The following FAM184A variants were observed in gnomAD, a reference collection of about 807,000 sequenced individuals.
FAM184A encodes protein FAM184A.
FAM184A carries 99 observed loss-of-function variants against 143.8 expected under a neutral mutation model. That is an observed-to-expected ratio of 0.69 (90% CI 0.58 to 0.81). FAM184A has a LOEUF of 0.81. Ranked by LOEUF, FAM184A falls within the 40% of genes least tolerant of loss-of-function variation. The probability of loss-of-function intolerance (pLI) is 0.00; values close to 1 mark genes in which losing one functional copy is unlikely to be tolerated. For missense variants in FAM184A, 1,217 were observed against 1,310.5 expected, an observed-to-expected ratio of 0.93 and a Z score of 1.10; for synonymous variants, 427 against 446.4, an observed-to-expected ratio of 0.96 and a Z score of 0.55.
At chr6:119,082,227 A>G (rs1788093092), upstream of FAM184A, among the ~76,000 whole-genome samples, 1 of 152,146 alleles carries the variant, frequency 6.6e-6, no homozygotes, top group Admixed American at 6.6e-5. Flanking sequence ...ACCTCCCAGC[A>G]GGTCCCTCCC....
At chr6:118,982,323 T>G (rs1304143422) in intron 9 of FAM184A, among the ~76,000 whole-genome samples, 1 of 152,172 alleles carries the variant, frequency 6.6e-6, no homozygotes, top group Non-Finnish European at 1.5e-5. Context: ...ACCCCCTCTC[T>G]TTGGAAGTTC....
At chr6:119,071,853 C>T (rs1032045664) in intron 1 of FAM184A, among the ~76,000 whole-genome samples, 5 of 138,206 alleles carry the variant, frequency 3.6e-5, no homozygotes, top group Admixed American at 1.6e-4. Flanking sequence ...AAGTCTAAAC[C>T]TTTAATCTTT....
rs11345478 is a variant in FAM184A, at chr6:118,997,324, C to CA, written c.2088+5574dup. Among the ~76,000 whole-genome samples the CA allele has an allele frequency of 3.0e-3, 338 of 111,922 alleles. 3 individuals carry two copies. The highest frequency in any genetic ancestry group is 9.1e-3 in the African/African-American group (265 of 29,048). The allele number at this position is 111,922 out of a possible 152,430, so 73.4% of individuals were successfully genotyped here. On this transcript the variant is annotated intron_variant, in intron 9 of 17. Transcript: ENST00000338891. ...TGGGTGACTAAGTGAAACTCCATCT[C>CA]AAAAAAAAAAAAAAAAAATTAAAAG...
At chr6:119,113,161 G>A (rs1788975112) in intron 1 of FAM184A, among the ~76,000 whole-genome samples, 1 of 152,072 alleles carries the variant, frequency 6.6e-6, no homozygotes. Context: ...CATGGGGCAA[G>A]TTTCCTGATC....
intron 16 of FAM184A, chr6:118,962,201 A>T (rs1783351572): frequency 1.9e-6 from 1 of 521,276 alleles, no homozygotes; most frequent in Admixed American, 3.3e-5. Flanking sequence ...AGGAAGAAAC[A>T]TTTAGGAGTC....
At chr6:119,123,888 G>A (rs1219847234) in intron 1 of FAM184A, among the ~76,000 whole-genome samples, 3 of 152,150 alleles carry the variant, frequency 2.0e-5, no homozygotes, top group Non-Finnish European at 2.9e-5. Flanking sequence ...TAAATTTGAA[G>A]TTAGCCATTT....
intron 1 of FAM184A, chr6:119,069,080 C>G (rs1310042279): frequency 5.5e-6 from 2 of 364,034 alleles, no homozygotes; most frequent in Admixed American, 2.9e-5. Flanking sequence ...AACTGAGGTT[C>G]TTGCCATTGA....
chr6:119,052,223 T>C (rs1786795567), intron 1 of FAM184A, among the ~76,000 whole-genome samples: 1 of 152,210 alleles, frequency 6.6e-6, no homozygotes, highest in African/African-American at 2.4e-5. Context: ...ACATTCTATT[T>C]TTTTCTTCAT....
intron 11 of FAM184A, among the ~76,000 whole-genome samples, chr6:118,977,626 T>A (rs751860095): frequency 2.0e-5 from 3 of 152,168 alleles, no homozygotes; most frequent in Non-Finnish European, 4.4e-5. Flanking sequence ...TTTATAAAAT[T>A]AGAGCATTCT....
At chr6:119,075,250 C>T (rs1046719216) in intron 1 of FAM184A, among the ~76,000 whole-genome samples, 1 of 151,794 alleles carries the variant, frequency 6.6e-6, no homozygotes, top group African/African-American at 2.4e-5. Flanking sequence ...AGCAGAAAAC[C>T]CTCAAAATAA....
intron 1 of FAM184A, among the ~76,000 whole-genome samples, chr6:119,125,699 T>C (rs181139833): frequency 5.9e-5 from 9 of 152,346 alleles, no homozygotes; most frequent in Admixed American, 5.2e-4. Context: ...AGACTACTTT[T>C]ACATTCCCAG....
intron 14 of FAM184A, among the ~76,000 whole-genome samples, chr6:118,967,896 T>C (rs1783550193): frequency 6.6e-6 from 1 of 152,218 alleles, no homozygotes; most frequent in South Asian, 2.1e-4. Context: ...TTGTAGATGA[T>C]CTATCTTCCA....
At chr6:119,007,268 C>T (rs948659123) in intron 6 of FAM184A, among the ~76,000 whole-genome samples, 8 of 152,094 alleles carry the variant, frequency 5.3e-5, no homozygotes, top group Admixed American at 1.3e-4. Flanking sequence ...AAAGTAAAAA[C>T]CGCATTCTTA....
chr6:119,095,811 A>C (rs1181378447), intron 1 of FAM184A, among the ~76,000 whole-genome samples: 1 of 152,148 alleles, frequency 6.6e-6, no homozygotes. Context: ...CTTCTGGCTC[A>C]ACTTCCCAAA....
At chr6:119,142,154 A>C (rs1437147208) in intron 1 of FAM184A, among the ~76,000 whole-genome samples, 1 of 152,124 alleles carries the variant, frequency 6.6e-6, no homozygotes, top group East Asian at 1.9e-4. Flanking sequence ...CCCAGCTTGG[A>C]GAATGTTATG....
chr6:118,993,469 C>T (rs1419740602), intron 9 of FAM184A, among the ~76,000 whole-genome samples: 1 of 152,150 alleles, frequency 6.6e-6, no homozygotes, highest in Admixed American at 6.6e-5. Flanking sequence ...TTGTAATTTG[C>T]AAACATGTTA....
At chr6:118,976,535 G>A (rs1191684398) in intron 11 of FAM184A, among the ~76,000 whole-genome samples, 2 of 151,950 alleles carry the variant, frequency 1.3e-5, no homozygotes, top group Admixed American at 6.6e-5. Flanking sequence ...ATGGTGGTAG[G>A]TTCCTGTAAT....
chr6:118,981,060 T>G (rs981563856), intron 9 of FAM184A, among the ~76,000 whole-genome samples: 1 of 152,204 alleles, frequency 6.6e-6, no homozygotes, highest in Non-Finnish European at 1.5e-5. Flanking sequence ...TATAATAATG[T>G]CAGGTGCTTT....
intron 14 of FAM184A, among the ~76,000 whole-genome samples, chr6:118,970,755 G>A (rs1418904205): frequency 6.6e-6 from 1 of 152,154 alleles, no homozygotes. Flanking sequence ...GGAGAAAGGA[G>A]AAGTAGAACA....
Sources: allele counts gnomAD v4.1 joint callset (sites outside exome capture counted in the v4.1 genomes callset), GRCh38; gene constraint gnomAD v4.1.1; transcripts MANE v1.5; gene names NCBI Gene and HGNC (gene_info 2026-07-23, HGNC 2026-07-21).